NFASC: variants seen among roughly 807,000 people sequenced by gnomAD.
The protein encoded by NFASC is neurofascin.
A neutral mutation model predicts 147.5 loss-of-function variants in NFASC; 43 were observed. The observed-to-expected ratio is 0.29, with a 90% CI of 0.23 to 0.38. The LOEUF is 0.38. Ranked by LOEUF, NFASC falls within the 10% of genes least tolerant of loss-of-function variation. The pLI, the probability that NFASC is intolerant of heterozygous loss-of-function variation, is 1.00. For missense variants in NFASC, 1,320 were observed against 1,689.0 expected (o/e 0.78, Z 3.83); for synonymous variants, 622 against 665.5 (o/e 0.93, Z 1.01).
intron 1 of NFASC, among the ~76,000 whole-genome samples, chr1:204,880,222 G>A (rs12047221): frequency 0.14 from 20,562 of 152,198 alleles, 2,647 homozygotes; most frequent in East Asian, 0.69. Flanking sequence ...CTCTACCTGC[G>A]TGAGCTAAGA....
rs2095098030 is a variant in NFASC at position 204,968,882 on chromosome 1, G to A, written c.903G>A (p.Leu301=). The change falls in exon 10 of 30, where the codon CTG becomes CTA. Residue 301 remains leucine, a synonymous_variant. Transcript: ENST00000339876. This position sits in a 1 kb window ranked among gnomAD's most constrained non-coding sequence, Gnocchi z 5.4. ...KAKFENFNKA[L]RITNVSEEDS... is the part of the protein sequence containing the mutation. ...AGTTTGAGAACTTTAATAAGGCCCT[G>A]CGTATCACAAATGTCTCTGAGGAAG... The A allele has an allele frequency of 6.2e-7, 1 of 1,614,026 alleles. No homozygotes were observed. Among genetic ancestry groups the A allele is most frequent in the East Asian group, 2.2e-5 (1 of 44,858 alleles).
chr1:204,986,230 C>A lies in NFASC; in HGVS notation c.2471-1188C>A, dbSNP rs2095612620. ...ATGGCACAAGGTGACTTCTGCGAGG[C>A]CTCCAGGAGCGGATGACCTGCAAGC... is the stretch of plus-strand genomic sequence containing the variant. On this transcript the variant is annotated intron_variant, in intron 21 of 29. Coordinates refer to ENST00000339876, the MANE Select transcript of NFASC (RefSeq NM_001005388.3). This position sits in a 1 kb window ranked among gnomAD's most constrained non-coding sequence, Gnocchi z 4.2. The A allele has an allele frequency of 6.9e-6, 5 of 723,716 alleles. No individual in the cohort carries two copies. Among genetic ancestry groups the A allele is most frequent in the Non-Finnish European group, 1.2e-5 (5 of 422,316 alleles). 44.8% of individuals were successfully genotyped at this position (723,716 alleles called of 1,614,324 possible). A position where few individuals can be genotyped will look rare whatever the true frequency, so the allele number is the denominator to read the frequency against.
At chr1:204,950,065 C>T (rs1478238902) in intron 3 of NFASC, among the ~76,000 whole-genome samples, 2 of 152,220 alleles carry the variant, frequency 1.3e-5, no homozygotes, top group South Asian at 2.1e-4. Context: ...GAGAAGGTGT[C>T]GTGGGAGAAA....
chr1:205,011,203 C>G (rs2096247405), intron 28 of NFASC, among the ~76,000 whole-genome samples: 2 of 107,648 alleles, frequency 1.9e-5, no homozygotes, highest in South Asian at 5.6e-4. Flanking sequence ...GGTCCTCCCC[C>G]AGGACCCCCC....
chr1:205,013,141 A>G (rs2096283412), intron 29 of NFASC, among the ~76,000 whole-genome samples: 1 of 152,192 alleles, frequency 6.6e-6, no homozygotes. Context: ...ACAGCATTTC[A>G]TTCATTCAAC....
At chr1:204,907,343 T>A (rs2086222781) in intron 1 of NFASC, among the ~76,000 whole-genome samples, 1 of 152,232 alleles carries the variant, frequency 6.6e-6, no homozygotes, top group South Asian at 2.1e-4. Context: ...TGAGAATTTT[T>A]AAATATATTA....
chr1:204,988,031 C>T (rs1476768872), intron 22 of NFASC, among the ~76,000 whole-genome samples: 1 of 152,238 alleles, frequency 6.6e-6, no homozygotes, highest in Non-Finnish European at 1.5e-5. Flanking sequence ...AAGACCCCAC[C>T]TCAAGAGCTC....
intron 4 of NFASC, among the ~76,000 whole-genome samples, chr1:204,951,594 G>A (rs1015239172): frequency 2.6e-5 from 4 of 151,066 alleles, no homozygotes; most frequent in Non-Finnish European, 2.9e-5. Flanking sequence ...TCAGCCTCCC[G>A]AGTAGCTGGG....
At chr1:204,889,482 G>T (rs1166807501) in intron 1 of NFASC, among the ~76,000 whole-genome samples, 1 of 152,192 alleles carries the variant, frequency 6.6e-6, no homozygotes, top group African/African-American at 2.4e-5. Context: ...AGCAGGTGTG[G>T]TAGTTAATCC....
intron 8 of NFASC, chr1:204,967,961 C>CGTCA: frequency 3.7e-6 from 1 of 266,802 alleles, no homozygotes; most frequent in Non-Finnish European, 7.2e-6. Flanking sequence ...CTCAGACAGC[C>CGTCA]CCTCCCCGTT....
intron 2 of NFASC, 120 bp from the exon 3 acceptor site, chr1:204,944,106 C>G: frequency 1.2e-6 from 1 of 844,386 alleles, no homozygotes; most frequent in Non-Finnish European, 1.8e-6. Context: ...AAACTCTGCT[C>G]TATCTAGAAC....
In NFASC at chr1:204,887,625, G is replaced by C. The variant is rs545812543; in HGVS notation, c.-199-33007G>C. ...TTTTTTTTTTTTTTTTTGAGACAGG[G>C]TCTTACTCTGTTGCTGTCACCCAGG... is the stretch of plus-strand genomic sequence containing the variant. On this transcript the variant is annotated intron_variant, in intron 1 of 29. Transcript: ENST00000339876. Among the ~76,000 whole-genome samples, 191 of 123,498 alleles carry C rather than the reference G, an allele frequency of 1.5e-3. 1 individual carries two copies. Among genetic ancestry groups the C allele is most frequent in the African/African-American group, 5.2e-3 (165 of 31,762 alleles). The allele number at this position is 123,498 out of a possible 152,430, so 81.0% of individuals were successfully genotyped here. A position where few individuals can be genotyped will look rare whatever the true frequency, so the allele number is the denominator to read the frequency against.
chr1:204,866,316 A>G (rs541152044), intron 1 of NFASC, among the ~76,000 whole-genome samples: 2 of 152,320 alleles, frequency 1.3e-5, no homozygotes, highest in Non-Finnish European at 1.5e-5. Context: ...AAGGGATGCT[A>G]AAGGAAAAAT....
chr1:204,890,378 G>A (rs1465060903), intron 1 of NFASC, among the ~76,000 whole-genome samples: 1 of 152,182 alleles, frequency 6.6e-6, no homozygotes, highest in Non-Finnish European at 1.5e-5. Context: ...AAGCAATACA[G>A]GGCAGGCCTG....
At chr1:204,955,018 TG>T in intron 7 of NFASC, 67 bp downstream of exon 7, 1 of 1,195,474 alleles carries the variant, frequency 8.4e-7, no homozygotes. Context: ...GTGTGTTAAG[TG>T]GGGAGGGGCT....
At chr1:204,850,995 T>C (rs1011772549) in intron 1 of NFASC, among the ~76,000 whole-genome samples, 2 of 152,228 alleles carry the variant, frequency 1.3e-5, no homozygotes, top group African/African-American at 4.8e-5. Flanking sequence ...GGCTACCAGA[T>C]TGTATTCATT....
intron 8 of NFASC, among the ~76,000 whole-genome samples, chr1:204,960,962 T>G (rs577107994): frequency 6.6e-6 from 1 of 152,336 alleles, no homozygotes; most frequent in Non-Finnish European, 1.5e-5. Flanking sequence ...CAACTAGTTG[T>G]AATGGGATTG....
At chr1:204,923,280 C>G (rs1357194247) in intron 2 of NFASC, among the ~76,000 whole-genome samples, 1 of 152,146 alleles carries the variant, frequency 6.6e-6, no homozygotes, top group African/African-American at 2.4e-5. Context: ...TTGTTGGAAG[C>G]CACTGCCATA....
At chr1:204,943,885 C>T (rs1016595421) in intron 2 of NFASC, among the ~76,000 whole-genome samples, 7 of 152,204 alleles carry the variant, frequency 4.6e-5, no homozygotes, top group Admixed American at 3.3e-4. Context: ...CCTTCCTTCT[C>T]TAACAGTGGT....
Sources: allele counts gnomAD v4.1 joint callset (sites outside exome capture counted in the v4.1 genomes callset), GRCh38; gene constraint gnomAD v4.1.1; non-coding constraint Gnocchi (gnomAD v3.1); transcripts MANE v1.5; gene names NCBI Gene and HGNC (gene_info 2026-07-23, HGNC 2026-07-21).